SLC5A1: variants seen among roughly 807,000 people sequenced by gnomAD.
The protein encoded by SLC5A1 is solute carrier family 5 member 1.
In SLC5A1, 42 loss-of-function variants were observed where a neutral mutation model predicts 73.5. That is an observed-to-expected ratio of 0.57 (90% CI 0.45 to 0.74). The LOEUF (loss-of-function observed/expected upper bound fraction) is 0.74, where lower values mean the gene tolerates loss of function less well. Among genes scored for constraint, SLC5A1 ranks in the 30% least tolerant of loss-of-function variants. The probability of loss-of-function intolerance (pLI) is 0.00; values close to 1 mark genes in which losing one functional copy is unlikely to be tolerated. For missense variants in SLC5A1, 634 were observed against 855.4 expected, an observed-to-expected ratio of 0.74 and a Z score of 3.23; for synonymous variants, 300 against 317.4, an observed-to-expected ratio of 0.95 and a Z score of 0.58.
At chr22:32,097,091 T>C (rs1304057019) in intron 11 of SLC5A1, among the ~76,000 whole-genome samples, 1 of 152,270 alleles carries the variant, frequency 6.6e-6, no homozygotes, top group African/African-American at 2.4e-5. Flanking sequence ...GTTGCCTCGT[T>C]AGGGATGAAT....
At chr22:32,063,806 G>A (rs1365734785) in intron 2 of SLC5A1, among the ~76,000 whole-genome samples, 8 of 152,166 alleles carry the variant, frequency 5.3e-5, no homozygotes, top group African/African-American at 1.7e-4. Flanking sequence ...TGAAGGCAGA[G>A]TCAGAGTTTT....
intron 2 of SLC5A1, among the ~76,000 whole-genome samples, chr22:32,055,712 C>T (rs1465926823): frequency 2.0e-5 from 3 of 152,236 alleles, no homozygotes; most frequent in Non-Finnish European, 4.4e-5. Flanking sequence ...CTTCAACCTT[C>T]TGATCCTTAT....
rs1297355927 is a variant in SLC5A1, at chr22:32,111,864, T to G, written c.*1651T>G. ...GGTTCATTCAAGGACCAGGTTCCCT[T>G]GTGCTCAGGGTGAAGTAGAACCAGA... On this transcript the variant is annotated 3_prime_UTR_variant, in exon 15 of 15. Coordinates refer to ENST00000266088, the MANE Select transcript of SLC5A1 (RefSeq NM_000343.4). 1 of 152,224 alleles carries G rather than the reference T, an allele frequency of 6.6e-6. No homozygotes were observed. The highest frequency in any genetic ancestry group is 1.5e-5 in the Non-Finnish European group (1 of 68,042). 9.4% of individuals were successfully genotyped at this position (152,224 alleles called of 1,614,324 possible). A position where few individuals can be genotyped will look rare whatever the true frequency, so the allele number is the denominator to read the frequency against.
chr22:32,086,353 TA>T, intron 10 of SLC5A1, 26 bp downstream of exon 10: 3 of 1,505,942 alleles, frequency 2.0e-6, no homozygotes, highest in Non-Finnish European at 2.8e-6. Flanking sequence ...GGGAGGTTGG[TA>T]GAGTCTTTCT....
At chr22:32,105,102 C>T (rs1191861783) in intron 14 of SLC5A1, among the ~76,000 whole-genome samples, 1 of 152,096 alleles carries the variant, frequency 6.6e-6, no homozygotes, top group Non-Finnish European at 1.5e-5. Context: ...ATCATTCAAG[C>T]TCCCTCACCC....
chr22:32,085,144 C>T (rs2149492512), intron 9 of SLC5A1, 109 bp downstream of exon 9: 1 of 1,304,152 alleles, frequency 7.7e-7, no homozygotes, highest in Non-Finnish European at 1.1e-6. Flanking sequence ...GAGACCAGGT[C>T]TCACTCTGTC....
Position 32,053,903 on chromosome 22 carries a change from G to A in SLC5A1, c.207+3889G>A, listed in dbSNP as rs573972172. Among the ~76,000 whole-genome samples the A allele has an allele frequency of 1.6e-4, 24 of 152,176 alleles. No homozygotes were observed. In the South Asian group the frequency reaches 5.0e-3, roughly 32 times the overall value. On this transcript the variant is annotated intron_variant, in intron 2 of 14. Coordinates refer to ENST00000266088, the MANE Select transcript of SLC5A1 (RefSeq NM_000343.4). ...TTATAATTGTTTCTCAGCCGGGTGC[G>A]GTGGCTCACACCAGTAATCCCAGCA...
intron 2 of SLC5A1, chr22:32,059,305 T>C (rs1158696877): frequency 1.0e-6 from 1 of 985,438 alleles, no homozygotes; most frequent in African/African-American, 1.7e-5. Context: ...AAAGTGGGGA[T>C]GTGACACGCA....
At chr22:32,051,126 T>A (rs1222941551) in intron 2 of SLC5A1, among the ~76,000 whole-genome samples, 1 of 152,070 alleles carries the variant, frequency 6.6e-6, no homozygotes, top group Non-Finnish European at 1.5e-5. Context: ...TGGAAGAGAG[T>A]TTGATCACAC....
At chr22:32,050,036 A>G in intron 2 of SLC5A1, 22 bp downstream of exon 2, 3 of 1,599,936 alleles carry the variant, frequency 1.9e-6, no homozygotes, top group Non-Finnish European at 2.6e-6. Context: ...CTGAAATGCT[A>G]TTTACATAAC....
intron 2 of SLC5A1, among the ~76,000 whole-genome samples, chr22:32,065,241 C>A (rs1309978959): frequency 1.3e-5 from 2 of 152,140 alleles, no homozygotes; most frequent in Admixed American, 6.5e-5. Flanking sequence ...GCCACCACAC[C>A]CAGCCTAAAT....
chr22:32,068,644 C>CACT, intron 5 of SLC5A1, 44 bp downstream of exon 5: 1 of 1,301,562 alleles, frequency 7.7e-7, no homozygotes, highest in Non-Finnish European at 1.1e-6. Context: ...CAGAAGCTGC[C>CACT]ACTCTCATTC....
chr22:32,043,859 G>A lies in SLC5A1; in HGVS notation c.135+443G>A, dbSNP rs1053944785. 2.3e-4 allele frequency among the ~76,000 whole-genome samples: 35 copies of A among 152,320 alleles called. 1 individual carries two copies. Among genetic ancestry groups the A allele is most frequent in the Middle Eastern group, 3.4e-3 (1 of 294 alleles). ...AGTGGGAAAGCCACAGCCTCTGCCA[G>A]CCCCAGAGATGGGGATGCTGAGGTG... is the stretch of plus-strand genomic sequence containing the variant. On this transcript the variant is annotated intron_variant, in intron 1 of 14. Coordinates refer to ENST00000266088, the MANE Select transcript of SLC5A1 (RefSeq NM_000343.4). The surrounding 1 kb of genome is among the most constrained non-coding windows in gnomAD (Gnocchi z 6.5).
At chr22:32,089,133 A>G (rs114908341) in intron 10 of SLC5A1, among the ~76,000 whole-genome samples, 1,813 of 152,350 alleles carry the variant, frequency 0.012, 53 homozygotes, top group African/African-American at 0.042. Flanking sequence ...TCCTGAACGA[A>G]TGGCAGAGCT....
chr22:32,098,050 T>C (rs2094029214), intron 11 of SLC5A1, among the ~76,000 whole-genome samples: 1 of 152,132 alleles, frequency 6.6e-6, no homozygotes, highest in South Asian at 2.1e-4. Context: ...TGATATCAAA[T>C]GTTGGTGAGG....
intron 2 of SLC5A1, among the ~76,000 whole-genome samples, chr22:32,060,198 TA>T (rs201193129): frequency 0.029 from 4,037 of 140,146 alleles, 185 homozygotes; most frequent in African/African-American, 0.085. Flanking sequence ...TATATATATA[TA>T]TTTTTTTAAG....
chr22:32,043,544 T>C lies in SLC5A1; in HGVS notation c.135+128T>C. On this transcript the variant is annotated intron_variant, in intron 1 of 14. Coordinates refer to ENST00000266088, the MANE Select transcript of SLC5A1 (RefSeq NM_000343.4). The surrounding 1 kb of genome is among the most constrained non-coding windows in gnomAD (Gnocchi z 6.5). ...GGGAGAGGAAATGACTTGGAAGCACTTTAGAAGCACTCAGAGGCACAGCAT... is the reference window on the plus strand; with the variant it reads ...GGGAGAGGAAATGACTTGGAAGCACCTTAGAAGCACTCAGAGGCACAGCAT... The C allele has an allele frequency of 2.0e-6, 2 of 1,007,418 alleles. No individual in the cohort carries two copies. The allele number at this position is 1,007,418 out of a possible 1,614,324, so 62.4% of individuals were successfully genotyped here. A position where few individuals can be genotyped will look rare whatever the true frequency, so the allele number is the denominator to read the frequency against.
At chr22:32,108,229 C>T (rs1426215896) in intron 14 of SLC5A1, among the ~76,000 whole-genome samples, 2 of 152,008 alleles carry the variant, frequency 1.3e-5, no homozygotes, top group Admixed American at 6.6e-5. Context: ...GCCTCAGCCT[C>T]CCGAGTAGCT....
chr22:32,068,586 T>C lies in SLC5A1; in HGVS notation c.463T>C (p.Phe155Leu). 1.2e-6 allele frequency: 2 copies of C among 1,612,598 alleles called. No homozygotes were observed. The highest frequency in any genetic ancestry group is 2.2e-5 in the South Asian group (2 of 91,038). The part of the protein sequence containing the change: ...LSLLSLLLYI[F>L]TKISADIFSG... The stretch of plus-strand genomic sequence containing the variant: ...CCTTCTGTCCCTGCTGCTCTACATT[T>C]TCACCAAGATCTCGGTGAGTCCACT... The change falls in exon 5 of 15, where the codon TTC (phenylalanine) becomes CTC (leucine). Residue 155 changes from phenylalanine (F) to leucine (L), a missense_variant. This residue lies in a region of SLC5A1 where 422 missense variants were observed against 626.1 expected (regional missense o/e 0.67). Transcript: ENST00000266088.
Sources: allele counts gnomAD v4.1 joint callset (sites outside exome capture counted in the v4.1 genomes callset), GRCh38; gene constraint gnomAD v4.1.1; regional missense constraint gnomAD v4.1.1; non-coding constraint Gnocchi (gnomAD v3.1); transcripts MANE v1.5; gene names NCBI Gene and HGNC (gene_info 2026-07-23, HGNC 2026-07-21).